KLC4: variants seen among roughly 807,000 people sequenced by gnomAD.
KLC4 encodes the protein kinesin light chain 4, also known as kinesin-like protein 8.
In KLC4, 49 loss-of-function variants were observed where a neutral mutation model predicts 77.2. The ratio of observed to expected loss-of-function variants is 0.63; its 90% CI spans 0.50 to 0.80. The LOEUF is 0.80. KLC4 is among the 30% of genes least tolerant of loss of function. The probability of loss-of-function intolerance (pLI) is 0.00; values close to 1 mark genes in which losing one functional copy is unlikely to be tolerated. For missense variants in KLC4, 669 were observed against 793.5 expected (o/e 0.84, Z 1.89); for synonymous variants, 274 against 314.5 (o/e 0.87, Z 1.36).
At chr6:43,073,851 G>A (rs1240575098) in intron 14 of KLC4, 51 bp from the exon 15 acceptor site, 3 of 1,557,544 alleles carry the variant, frequency 1.9e-6, no homozygotes, top group Admixed American at 1.7e-5. Flanking sequence ...CAGCCTTAAG[G>A]CCACTCAGGA....
chr6:43,068,004 T>C (rs111914841), intron 6 of KLC4, among the ~76,000 whole-genome samples: 6 of 84,972 alleles, frequency 7.1e-5, no homozygotes, highest in South Asian at 4.5e-4. Context: ...CCCAGCTGCT[T>C]GGGAGGCTGA....
chr6:43,067,559 C>T (rs1432124655), intron 6 of KLC4, among the ~76,000 whole-genome samples: 1 of 152,000 alleles, frequency 6.6e-6, no homozygotes, highest in Non-Finnish European at 1.5e-5. Flanking sequence ...CTTTGGGAGG[C>T]TGAGGAGGGT....
At chr6:43,068,401 G>A (rs1765562112) in intron 6 of KLC4, among the ~76,000 whole-genome samples, 1 of 152,096 alleles carries the variant, frequency 6.6e-6, no homozygotes, top group Admixed American at 6.5e-5. Flanking sequence ...GAAACCAGAA[G>A]GTGGAGGTTG....
At chr6:43,065,004 G>A (rs980964594) in intron 3 of KLC4, among the ~76,000 whole-genome samples, 2 of 152,132 alleles carry the variant, frequency 1.3e-5, no homozygotes, top group African/African-American at 4.8e-5. Flanking sequence ...AACACACAGA[G>A]ATCAGCATAG....
intron 2 of KLC4, chr6:43,062,658 G>A (rs1044491156): frequency 3.8e-6 from 2 of 528,086 alleles, no homozygotes; most frequent in African/African-American, 3.8e-5. Flanking sequence ...AGGGGAACAA[G>A]GGCAGAAACG....
At chr6:43,066,613 G>A in intron 5 of KLC4, 88 bp downstream of exon 5, 1 of 1,185,880 alleles carries the variant, frequency 8.4e-7, no homozygotes, top group South Asian at 1.4e-5. Flanking sequence ...TCTTTACAGG[G>A]TACCTCTCCT....
At chr6:43,074,337 A>G in intron 15 of KLC4, 1 of 489,438 alleles carries the variant, frequency 2.0e-6, no homozygotes, top group East Asian at 3.3e-5. Context: ...CCCATCTGAG[A>G]AAACACTAGT....
At chr6:43,068,243 G>T (rs1198128125) in intron 6 of KLC4, among the ~76,000 whole-genome samples, 1 of 151,620 alleles carries the variant, frequency 6.6e-6, no homozygotes, top group African/African-American at 2.4e-5. Context: ...GGAGGCCAAG[G>T]TGGGCAAATC....
chr6:43,061,444 C>G lies in KLC4; in HGVS notation c.109C>G (p.Arg37Gly), dbSNP rs767309388. Residue 37 changes from arginine to glycine, a missense_variant, in exon 2 of 16, where the codon CGC (arginine) becomes GGC (glycine). Physicochemically the swap from Arg to Gly is moderately radical, Grantham distance 125. Transcript: ENST00000347162. ...GGTCAGCCAAGGGCTAGAGGCCCTA[C>G]GCAGTGAACACCAGGCCGTGCTGCA... ...RLVSQGLEAL[R>G]SEHQAVLQSL... The G allele has an allele frequency of 6.2e-7, 1 of 1,614,060 alleles. No individual in the cohort carries two copies. The highest frequency in any genetic ancestry group is 1.7e-5 in the Admixed American group (1 of 60,002).
In KLC4 at chr6:43,060,714, A is replaced by G. The variant is rs911870187; in HGVS notation, c.-25-597A>G. 8 of 766,678 alleles carry G rather than the reference A, an allele frequency of 1.0e-5. No individual in the cohort carries two copies. In the African/African-American group the frequency reaches 1.5e-4, roughly 15 times the overall value. 47.5% of individuals were successfully genotyped at this position (766,678 alleles called of 1,614,324 possible). On this transcript the variant is annotated intron_variant, in intron 1 of 15. Coordinates refer to ENST00000347162, the MANE Select transcript of KLC4 (RefSeq NM_201521.3). ...GTTGAAGGTTAGTGGGAAAATATGC[A>G]GGGCTGACCAGGTTTGGAGATGCTG...
chr6:43,074,211 C>T (rs562190657), intron 15 of KLC4: 2 of 477,352 alleles, frequency 4.2e-6, no homozygotes, highest in Non-Finnish European at 7.3e-6. Flanking sequence ...ATTCTGTAAA[C>T]TGGTACTTTG....
In KLC4 at chr6:43,070,375, T is replaced by C; in HGVS notation, c.901T>C (p.Leu301=). 1 of 1,613,984 alleles carries C rather than the reference T, an allele frequency of 6.2e-7. No individual in the cohort carries two copies. The highest frequency in any genetic ancestry group is 8.5e-7 in the Non-Finnish European group (1 of 1,179,874). The change falls in exon 7 of 16, where the codon TTG becomes CTG. Residue 301 remains leucine (L), a synonymous_variant. Coordinates refer to ENST00000347162, the MANE Select transcript of KLC4 (RefSeq NM_201521.3). ...ATAGGTGGCTGCCACACTCAACAATTTGGCTGTGCTCTATGGCAAAAGGGG... is the reference window on the plus strand; with the variant it reads ...ATAGGTGGCTGCCACACTCAACAATCTGGCTGTGCTCTATGGCAAAAGGGG... The part of the protein sequence containing the change: ...HPAVAATLNN[L]AVLYGKRGKY...
intron 7 of KLC4, 28 bp downstream of exon 7, chr6:43,070,483 C>T (rs1554143408): frequency 5.1e-6 from 8 of 1,564,346 alleles, no homozygotes; most frequent in Middle Eastern, 1.7e-4. Flanking sequence ...CCCTTCTTCT[C>T]TTGTCGCTGT....
intron 15 of KLC4, chr6:43,074,405 T>C (rs114194678): frequency 0.026 from 15,520 of 586,592 alleles, 264 homozygotes; most frequent in Non-Finnish European, 0.033. Flanking sequence ...CCAGTATTCA[T>C]GTGGTTCTTC....
chr6:43,060,430 C>T, intron 1 of KLC4: 1 of 1,450,384 alleles, frequency 6.9e-7, no homozygotes, highest in East Asian at 2.7e-5. Flanking sequence ...GGTGTTTGTC[C>T]TGGGTGGGGC....
intron 6 of KLC4, among the ~76,000 whole-genome samples, chr6:43,068,127 A>G (rs1045802015): frequency 6.8e-6 from 1 of 147,452 alleles, no homozygotes; most frequent in Non-Finnish European, 1.5e-5. Flanking sequence ...AAAAAAAAAA[A>G]AAAAAAAAAA....
chr6:43,070,999 A>G (rs1582023048), intron 8 of KLC4, 134 bp downstream of exon 8: 1 of 844,072 alleles, frequency 1.2e-6, no homozygotes. Flanking sequence ...TGCTCTCATC[A>G]ACTTTGTGCT....
intron 13 of KLC4, 116 bp from the exon 14 acceptor site, chr6:43,073,107 T>G: frequency 7.6e-7 from 1 of 1,324,118 alleles, no homozygotes; most frequent in East Asian, 2.4e-5. Context: ...GACTTTTATT[T>G]CCAGTCACTG....
chr6:43,066,646 A>G, intron 5 of KLC4, 121 bp downstream of exon 5: 1 of 797,316 alleles, frequency 1.3e-6, no homozygotes, highest in Non-Finnish European at 2.0e-6. Flanking sequence ...TCCCAGATAC[A>G]CCCCAACAGG....
Sources: gnomAD v4.1 joint callset for allele counts (sites outside exome capture counted in the v4.1 genomes callset) on GRCh38, gnomAD v4.1.1 for gene constraint, MANE v1.5 for transcripts, NCBI Gene and HGNC (gene_info 2026-07-23, HGNC 2026-07-21) for gene names.